Variants in WIPF1 observed in about 807,000 individuals in gnomAD.
WIPF1 encodes the protein WAS/WASL interacting protein family member 1.
Under a neutral mutation model 35.4 loss-of-function variants are expected in WIPF1, and 13 were observed. The observed-to-expected ratio is 0.37, with a 90% CI of 0.24 to 0.58. The LOEUF (loss-of-function observed/expected upper bound fraction) is 0.58. Among genes scored for constraint, WIPF1 ranks in the 20% least tolerant of loss-of-function variants. The probability of loss-of-function intolerance (pLI) is 0.74; values close to 1 mark genes in which losing one functional copy is unlikely to be tolerated. For missense variants in WIPF1, 591 were observed against 667.0 expected, an observed-to-expected ratio of 0.89 and a Z score of 1.25; for synonymous variants, 267 against 266.3, an observed-to-expected ratio of 1.00 and a Z score of -0.02.
intron 1 of WIPF1, among the ~76,000 whole-genome samples, chr2:174,620,405 C>T (rs953642680): frequency 3.3e-5 from 5 of 152,168 alleles, no homozygotes; most frequent in Admixed American, 3.3e-4. Context: ...AAAAACTGCA[C>T]AAGAATATAT....
chr2:174,562,345 A>G lies in WIPF1; in HGVS notation c.*202T>C. 2 of 1,482,710 alleles carry G rather than the reference A, an allele frequency of 1.3e-6. No homozygotes were observed. The highest frequency in any genetic ancestry group is 1.8e-6 in the Non-Finnish European group (2 of 1,115,354). 91.8% of individuals were successfully genotyped at this position (1,482,710 alleles called of 1,614,324 possible). ...GCAGGCTGCAGCTGAAGCAAGCAAT[A>G]GCCTGGAGAATAAACACAATATGAA... On this transcript the variant is annotated 3_prime_UTR_variant, in exon 8 of 8. Coordinates refer to ENST00000679041, the MANE Select transcript of WIPF1 (RefSeq NM_001375834.1).
intron 3 of WIPF1, among the ~76,000 whole-genome samples, chr2:174,578,918 G>A (rs943007807): frequency 1.3e-5 from 2 of 152,170 alleles, no homozygotes; most frequent in African/African-American, 4.8e-5. Context: ...ATTCATTGAT[G>A]AATGACACAT....
chr2:174,617,150 G>A (rs1686531275), intron 1 of WIPF1, among the ~76,000 whole-genome samples: 1 of 151,952 alleles, frequency 6.6e-6, no homozygotes, highest in African/African-American at 2.4e-5. Flanking sequence ...TTCAAGTGTT[G>A]GCCATAATAT....
chr2:174,626,555 C>T (rs1245546063), intron 1 of WIPF1, among the ~76,000 whole-genome samples: 1 of 152,178 alleles, frequency 6.6e-6, no homozygotes, highest in East Asian at 1.9e-4. Context: ...CTTAGTATCT[C>T]CCCTCCACCC....
chr2:174,674,071 G>A (rs1013933948), intron 1 of WIPF1, among the ~76,000 whole-genome samples: 1 of 152,164 alleles, frequency 6.6e-6, no homozygotes, highest in Non-Finnish European at 1.5e-5. Flanking sequence ...AGCTGTTTCT[G>A]ATTAACCAAT....
chr2:174,600,544 C>T (rs984238160), upstream of WIPF1, among the ~76,000 whole-genome samples: 1 of 152,186 alleles, frequency 6.6e-6, no homozygotes, highest in Admixed American at 6.5e-5. Flanking sequence ...ATCTTCAGGC[C>T]TTTTACTTGC....
intron 1 of WIPF1, among the ~76,000 whole-genome samples, chr2:174,659,025 G>A (rs1247490727): frequency 6.6e-6 from 1 of 151,990 alleles, no homozygotes; most frequent in African/African-American, 2.4e-5. Flanking sequence ...ACATTTTTGA[G>A]GATCTAGTAA....
At chr2:174,603,441 C>A (rs1686066509) in intron 1 of WIPF1, among the ~76,000 whole-genome samples, 1 of 152,156 alleles carries the variant, frequency 6.6e-6, no homozygotes, top group African/African-American at 2.4e-5. Context: ...CGCAGGCTGG[C>A]CTGGACTGGA....
In WIPF1 at chr2:174,575,095, T is replaced by C. The variant is rs574924515; in HGVS notation, c.358+109A>G. 4.1e-5 allele frequency: 49 copies of C among 1,186,796 alleles called. No homozygotes were observed. In the African/African-American group the frequency reaches 5.7e-4, roughly 14 times the overall value. The allele number at this position is 1,186,796 out of a possible 1,614,324, so 73.5% of individuals were successfully genotyped here. On this transcript the variant is annotated intron_variant, in intron 4 of 7. Transcript: ENST00000679041. ...AAAACAGTGGTAATATTTAAAACAA[T>C]GTACAATATTTTAATAAGGGCGAAG...
In WIPF1 at chr2:174,647,192, C is replaced by G. The variant is rs75505957; in HGVS notation, c.-39+35582G>C. ...TTCAAGACTGGCCTGGGCAGCAGAG[C>G]GACATCCTGTCTCCAAAACATTTTT... On this transcript the variant is annotated intron_variant, in intron 1 of 8. Coordinates refer to the WIPF1 transcript ENST00000272746. 4.9e-3 allele frequency among the ~76,000 whole-genome samples: 748 copies of G among 151,878 alleles called. 7 individuals carry two copies. The highest frequency in any genetic ancestry group is 0.017 in the African/African-American group (719 of 41,408).
intron 1 of WIPF1, among the ~76,000 whole-genome samples, chr2:174,654,969 T>C (rs566618616): frequency 6.6e-5 from 10 of 152,324 alleles, no homozygotes; most frequent in Non-Finnish European, 1.0e-4. Context: ...ATATTAGTCC[T>C]GAAAAAGGTT....
Position 174,630,094 on chromosome 2 carries a change from T to C in WIPF1, c.-38-44483A>G, listed in dbSNP as rs149751551. On this transcript the variant is annotated intron_variant, in intron 1 of 8. Coordinates refer to the WIPF1 transcript ENST00000272746. ...ATGCTCTAGAGAATTCCTCCCATTATACACACACACATACACACACGTATA... is the reference window on the plus strand; with the variant it reads ...ATGCTCTAGAGAATTCCTCCCATTACACACACACACATACACACACGTATA... Among the ~76,000 whole-genome samples the C allele has an allele frequency of 8.1e-3, 1,226 of 152,290 alleles. 4 individuals carry two copies. The highest frequency in any genetic ancestry group is 0.014 in the Non-Finnish European group (924 of 68,010).
chr2:174,674,152 C>A (rs73028114), intron 1 of WIPF1, among the ~76,000 whole-genome samples: 2,659 of 152,310 alleles, frequency 0.017, 97 homozygotes, highest in African/African-American at 0.061. Context: ...GAAGCAGAAT[C>A]TAAACTCACC....
rs1472504717 is a variant in WIPF1, at chr2:174,571,878, C to T, written c.927G>A (p.Pro309=). Reference sequence around the variant, plus strand: ...GCCCGGGCCTGCTGGGAGGTGGCGGCGGAGGTGGGGCCTGTGAGGAGGCCG... The same window carrying T: ...GCCCGGGCCTGCTGGGAGGTGGCGGTGGAGGTGGGGCCTGTGAGGAGGCCG... ...RPSASSQAPP[P]PPPPSRPGPP... Residue 309 remains proline (P), a synonymous_variant, in exon 5 of 8, where the codon CCG becomes CCA. Transcript: ENST00000679041. This position sits in a 1 kb window ranked among gnomAD's most constrained non-coding sequence, Gnocchi z 4.6. The T allele has an allele frequency of 6.2e-7, 1 of 1,612,210 alleles. No individual in the cohort carries two copies.
At chr2:174,617,796 G>A (rs1382338487) in intron 1 of WIPF1, among the ~76,000 whole-genome samples, 2 of 152,176 alleles carry the variant, frequency 1.3e-5, no homozygotes, top group African/African-American at 2.4e-5. Flanking sequence ...TTTAAATATC[G>A]TATTGTATTT....
intron 2 of WIPF1, among the ~76,000 whole-genome samples, chr2:174,584,810 G>A (rs1292889715): frequency 6.6e-6 from 1 of 151,926 alleles, no homozygotes; most frequent in East Asian, 1.9e-4. Flanking sequence ...TACTTGGGAG[G>A]CTGAGGCAGG....
At chr2:174,568,205 G>T in intron 5 of WIPF1, 132 bp from the exon 6 acceptor site, 1 of 1,160,898 alleles carries the variant, frequency 8.6e-7, no homozygotes, top group Non-Finnish European at 1.2e-6. Flanking sequence ...TAGGATATTT[G>T]GCTGAGAAAT....
chr2:174,637,221 T>A (rs1383439541), intron 1 of WIPF1, among the ~76,000 whole-genome samples: 1 of 152,188 alleles, frequency 6.6e-6, no homozygotes, highest in Non-Finnish European at 1.5e-5. Context: ...TCCTTTGACA[T>A]ACTCCTATCA....
chr2:174,600,413 C>T (rs893715229), upstream of WIPF1, among the ~76,000 whole-genome samples: 13 of 152,170 alleles, frequency 8.5e-5, no homozygotes, highest in African/African-American at 3.1e-4. Context: ...ACTCTTAGGT[C>T]CACAGGGACC....
Sources: gnomAD v4.1 joint callset for allele counts (sites outside exome capture counted in the v4.1 genomes callset) on GRCh38, gnomAD v4.1.1 for gene constraint, Gnocchi (gnomAD v3.1) non-coding constraint, MANE v1.5 for transcripts, NCBI Gene and HGNC (gene_info 2026-07-23, HGNC 2026-07-21) for gene names.